Variants in SLC35D4 observed in about 807,000 individuals in gnomAD.
SLC35D4 encodes UDP-N-acetylglucosamine transporter SLC35D4.
the SLC35D4 span, among the ~76,000 whole-genome samples, chr18:23,418,146 C>G: frequency 6.6e-6 from 1 of 152,058 alleles, no homozygotes; most frequent in African/African-American, 2.4e-5. Flanking sequence ...GATACTATAT[C>G]ATGAAAATGC....
chr18:23,432,930 A>G, the SLC35D4 span, among the ~76,000 whole-genome samples: 1 of 150,414 alleles, frequency 6.6e-6, no homozygotes, highest in Non-Finnish European at 1.5e-5. Context: ...CAGTGGGCCA[A>G]GATCATACCA....
At chr18:23,304,283 A>G in the SLC35D4 span, among the ~76,000 whole-genome samples, 1 of 147,740 alleles carries the variant, frequency 6.8e-6, no homozygotes, top group African/African-American at 2.4e-5. Context: ...TATCAAAAAA[A>G]AAAAAAAAAA....
the SLC35D4 span, among the ~76,000 whole-genome samples, chr18:23,280,933 G>A: frequency 6.6e-6 from 1 of 152,196 alleles, no homozygotes; most frequent in East Asian, 1.9e-4. Flanking sequence ...GCCCTGCGTG[G>A]AGGACTCCCA....
the SLC35D4 span, among the ~76,000 whole-genome samples, chr18:23,421,949 T>C: frequency 6.6e-6 from 1 of 152,042 alleles, no homozygotes; most frequent in Non-Finnish European, 1.5e-5. Context: ...AGTGCTGGCA[T>C]TATAGGCTTG....
chr18:23,408,359 G>C, the SLC35D4 span, among the ~76,000 whole-genome samples: 1 of 152,136 alleles, frequency 6.6e-6, no homozygotes, highest in Non-Finnish European at 1.5e-5. Context: ...CTGGCATATA[G>C]CAGACACTCA....
At chr18:23,306,819 A>G in the SLC35D4 span, among the ~76,000 whole-genome samples, 1 of 152,230 alleles carries the variant, frequency 6.6e-6, no homozygotes, top group Non-Finnish European at 1.5e-5. Flanking sequence ...AAGTGGTCCT[A>G]GGCTTCTTTT....
At chr18:23,257,046 C>A in the SLC35D4 span, 1 of 640,376 alleles carries the variant, frequency 1.6e-6, no homozygotes, top group African/African-American at 1.8e-5. Context: ...GCAGCTCCTT[C>A]ACAACCAGGA....
chr18:23,254,194 T>G, the SLC35D4 span, among the ~76,000 whole-genome samples: 10 of 152,204 alleles, frequency 6.6e-5, no homozygotes, highest in Non-Finnish European at 1.2e-4. Context: ...CCATGTGAGA[T>G]GCAATCATTC....
the SLC35D4 span, among the ~76,000 whole-genome samples, chr18:23,276,702 C>T: frequency 5.3e-5 from 8 of 152,228 alleles, no homozygotes; most frequent in East Asian, 1.9e-4. Flanking sequence ...TCAACCCCGG[C>T]GCTAGCCAGT....
chr18:23,328,015 A>G, the SLC35D4 span, among the ~76,000 whole-genome samples: 1 of 152,340 alleles, frequency 6.6e-6, no homozygotes, highest in East Asian at 1.9e-4. Context: ...GCTTCATGCT[A>G]AAAACTCTCA....
the SLC35D4 span, among the ~76,000 whole-genome samples, chr18:23,293,844 G>T: frequency 2.0e-5 from 3 of 152,214 alleles, no homozygotes; most frequent in Non-Finnish European, 2.9e-5. Flanking sequence ...CCAGGCTGGA[G>T]TGCAGTGGCA....
chr18:23,410,341 G>A, the SLC35D4 span, among the ~76,000 whole-genome samples: 1 of 152,064 alleles, frequency 6.6e-6, no homozygotes, highest in Non-Finnish European at 1.5e-5. Context: ...TCCGGGTGCG[G>A]TGGTGGGCGC....
At chr18:23,425,894 T>C in the SLC35D4 span, among the ~76,000 whole-genome samples, 908 of 152,296 alleles carry the variant, frequency 6.0e-3, 9 homozygotes, top group Non-Finnish European at 5.4e-3. Context: ...TTCCTTACAT[T>C]GCACCATACA....
the SLC35D4 span, among the ~76,000 whole-genome samples, chr18:23,324,112 A>AAAAT: frequency 5.3e-5 from 8 of 151,522 alleles, no homozygotes; most frequent in African/African-American, 1.7e-4. Flanking sequence ...AAGAAACCAG[A>AAAAT]AAATAAATAA....
At chr18:23,372,786 T>C in the SLC35D4 span, among the ~76,000 whole-genome samples, 5 of 152,176 alleles carry the variant, frequency 3.3e-5, no homozygotes, top group African/African-American at 1.2e-4. Flanking sequence ...CCCTCCCCTT[T>C]GCTCCAAATA....
chr18:23,370,299 T>G, the SLC35D4 span: 1 of 1,606,404 alleles, frequency 6.2e-7, no homozygotes, highest in Non-Finnish European at 8.5e-7. Flanking sequence ...GTCATGGTAT[T>G]CTGCTCAAGG....
the SLC35D4 span, among the ~76,000 whole-genome samples, chr18:23,347,936 T>C: frequency 6.6e-6 from 1 of 152,246 alleles, no homozygotes; most frequent in African/African-American, 2.4e-5. Context: ...GCATAAGTTA[T>C]TGATTTGAGA....
At chr18:23,297,898 T>G in the SLC35D4 span, 3 of 1,344,938 alleles carry the variant, frequency 2.2e-6, no homozygotes, top group Non-Finnish European at 2.1e-6. Flanking sequence ...GTCCTTGCAT[T>G]CCTCTTTCTG....
the SLC35D4 span, among the ~76,000 whole-genome samples, chr18:23,411,525 GA>G: frequency 6.6e-6 from 1 of 151,456 alleles, no homozygotes; most frequent in Non-Finnish European, 1.5e-5. Context: ...AAGAAAGAAA[GA>G]AAGAAAGAAA....
Sources: gnomAD v4.1 joint callset for allele counts (sites outside exome capture counted in the v4.1 genomes callset) on GRCh38, gnomAD v4.1.1 for gene constraint, MANE v1.5 for transcripts, NCBI Gene and HGNC (gene_info 2026-07-23, HGNC 2026-07-21) for gene names.